TBC1D9: variants seen among roughly 807,000 people sequenced by gnomAD.
The protein encoded by TBC1D9 is TBC1 domain family member 9A.
A neutral mutation model predicts 132.0 loss-of-function variants in TBC1D9; 63 were observed. That is an observed-to-expected ratio of 0.48 (90% CI 0.39 to 0.59). The LOEUF (loss-of-function observed/expected upper bound fraction) is 0.59. TBC1D9 is among the 20% of genes least tolerant of loss of function. The pLI is 0.00. For missense variants in TBC1D9, 1,261 were observed against 1,592.7 expected, an observed-to-expected ratio of 0.79 and a Z score of 3.54; for synonymous variants, 610 against 609.9, an observed-to-expected ratio of 1.00 and a Z score of 0.00.
In TBC1D9 at chr4:140,624,713, C is replaced by T. The variant is rs72718363; in HGVS notation, c.2900-325G>A. ...ACAACACTATCTCCAGGTAAAGGACCTCCGCAGAATTCTTTCTCACAGCTG... is the reference window on the plus strand; with the variant it reads ...ACAACACTATCTCCAGGTAAAGGACTTCCGCAGAATTCTTTCTCACAGCTG... On this transcript the variant is annotated intron_variant, in intron 18 of 20. Transcript: ENST00000442267. Among the ~76,000 whole-genome samples, 1,041 of 152,200 alleles carry T rather than the reference C, an allele frequency of 6.8e-3. 12 individuals are homozygous for T. The highest frequency in any genetic ancestry group is 0.037 in the Middle Eastern group (11 of 294).
At chr4:140,690,800 A>T (rs991430015) in intron 2 of TBC1D9, among the ~76,000 whole-genome samples, 1 of 152,114 alleles carries the variant, frequency 6.6e-6, no homozygotes, top group South Asian at 2.1e-4. Context: ...GACTTGGTAA[A>T]GGGCAGAGCA....
At chr4:140,750,159 T>A (rs74288619) in intron 1 of TBC1D9, among the ~76,000 whole-genome samples, 19 of 148,678 alleles carry the variant, frequency 1.3e-4, no homozygotes, top group African/African-American at 4.4e-4. Flanking sequence ...GAACAAAAAT[T>A]AAAAAAAAAA....
At chr4:140,670,364 T>A (rs908243027) in intron 7 of TBC1D9, among the ~76,000 whole-genome samples, 1 of 152,222 alleles carries the variant, frequency 6.6e-6, no homozygotes, top group Admixed American at 6.5e-5. Flanking sequence ...TCTATCATAA[T>A]AAAAATCATC....
chr4:140,625,427 A>C (rs1736690332), intron 18 of TBC1D9, among the ~76,000 whole-genome samples: 1 of 152,212 alleles, frequency 6.6e-6, no homozygotes, highest in Non-Finnish European at 1.5e-5. Flanking sequence ...AGAGGTGTAC[A>C]ATGCCCTCAG....
rs908884350 is a variant in TBC1D9 at position 140,705,497 on chromosome 4, G to C, written c.131-3883C>G. Among the ~76,000 whole-genome samples the C allele has an allele frequency of 2.1e-5, 3 of 143,984 alleles. No homozygotes were observed. In the Admixed American group the frequency reaches 2.1e-4, roughly 10 times the overall value. The allele number at this position is 143,984 out of a possible 152,430, so 94.5% of individuals were successfully genotyped here. ...CACATGGTTGATGATAAATGGACAA[G>C]TGAGGGGTGTGTGCATGTGTGTGTG... On this transcript the variant is annotated intron_variant, in intron 1 of 20. Transcript: ENST00000442267.
chr4:140,678,871 TAC>T (rs2111017749), intron 5 of TBC1D9, 69 bp downstream of exon 5: 1 of 1,539,730 alleles, frequency 6.5e-7, no homozygotes, highest in African/African-American at 1.4e-5. Context: ...CAGAGAAGGT[TAC>T]ACTGAATAAA....
chr4:140,644,193 G>A (rs1737060748), intron 13 of TBC1D9: 1 of 338,526 alleles, frequency 3.0e-6, no homozygotes. Context: ...ATACCTGGGC[G>A]GCATATCTGA....
At chr4:140,658,662 T>C (rs1021652308) in intron 11 of TBC1D9, among the ~76,000 whole-genome samples, 1 of 151,994 alleles carries the variant, frequency 6.6e-6, no homozygotes, top group African/African-American at 2.4e-5. Flanking sequence ...ATACAAAAAT[T>C]AGCCAGGCAT....
chr4:140,671,082 A>G (rs1737529374), intron 6 of TBC1D9, among the ~76,000 whole-genome samples, 156 bp from the exon 7 acceptor site: 1 of 152,238 alleles, frequency 6.6e-6, no homozygotes, highest in Admixed American at 6.5e-5. Flanking sequence ...ACTCTGTTCC[A>G]GTAAAATAAA....
In TBC1D9 at chr4:140,701,571, G is replaced by C. The variant is rs964241530; in HGVS notation, c.174C>G (p.Ala58=). The C allele has an allele frequency of 1.9e-6, 3 of 1,613,824 alleles. No homozygotes were observed. Among genetic ancestry groups the C allele is most frequent in the Non-Finnish European group, 2.5e-6 (3 of 1,179,866 alleles). Residue 58 remains alanine, a synonymous_variant, in exon 2 of 21, where the codon GCC becomes GCG. Transcript: ENST00000442267. ...ACAAGATTCGGTAAGGAGCGACCCG[G>C]GCGCTGGAGTCCAACACAACATCAA... is the stretch of plus-strand genomic sequence containing the variant. ...GTLDVVLDSS[A]RVAPYRILYQ...
rs142449846 is a variant in TBC1D9, at chr4:140,634,733, C to T, written c.2506-545G>A. Among the ~76,000 whole-genome samples the T allele has an allele frequency of 3.9e-5, 6 of 152,214 alleles. No homozygotes were observed. In the East Asian group the frequency reaches 1.2e-3, roughly 29 times the overall value. On this transcript the variant is annotated intron_variant, in intron 15 of 20. Coordinates refer to ENST00000442267, the MANE Select transcript of TBC1D9 (RefSeq NM_015130.3). ...AATGTCCCATGTATCATACATAACCCCCTGCTTCCCTGCTCACCAAAATCA... is the reference window on the plus strand; with the variant it reads ...AATGTCCCATGTATCATACATAACCTCCTGCTTCCCTGCTCACCAAAATCA...
chr4:140,657,073 G>C, intron 13 of TBC1D9, 24 bp downstream of exon 13: 1 of 1,611,490 alleles, frequency 6.2e-7, no homozygotes, highest in Non-Finnish European at 8.5e-7. Context: ...GTTAAGCCCT[G>C]CTCAGCCAGG....
intron 1 of TBC1D9, among the ~76,000 whole-genome samples, chr4:140,751,808 A>G (rs1230865956): frequency 1.3e-5 from 2 of 152,212 alleles, no homozygotes; most frequent in East Asian, 3.9e-4. Flanking sequence ...AAATATTCCA[A>G]ATGGCTAATA....
chr4:140,645,919 C>A lies in TBC1D9; in HGVS notation c.2338-6491G>T, dbSNP rs577465216. The stretch of plus-strand genomic sequence containing the variant: ...TCTGCTAATTGTCATCTCACCAGAA[C>A]AATAAACGCTCAGAGAAACAGTATG... On this transcript the variant is annotated intron_variant, in intron 13 of 20. Transcript: ENST00000442267. Among the ~76,000 whole-genome samples, 4 of 152,348 alleles carry A rather than the reference C, an allele frequency of 2.6e-5. No individual in the cohort carries two copies. The East Asian group carries it at 7.7e-4, about 29-fold the overall frequency.
At chr4:140,641,858 C>A (rs10033976) in intron 13 of TBC1D9, 43,208 of 338,780 alleles carry the variant, frequency 0.13, 3,085 homozygotes, top group East Asian at 0.22. Flanking sequence ...CTCCTCACCC[C>A]CCATCTCTCC....
rs1015698784 is a variant in TBC1D9, at chr4:140,725,108, G to A, written c.131-23494C>T. ...AATTAGCCAAATAACATATGTACAC[G>A]GCTATTTATTGCAACAGTTTTATAG... On this transcript the variant is annotated intron_variant, in intron 1 of 20. Transcript: ENST00000442267. Among the ~76,000 whole-genome samples, 9 of 152,036 alleles carry A rather than the reference G, an allele frequency of 5.9e-5. 1 individual carries two copies. In the East Asian group the frequency reaches 9.6e-4, roughly 16 times the overall value.
chr4:140,680,329 G>A (rs1737684393), intron 3 of TBC1D9, among the ~76,000 whole-genome samples: 1 of 152,054 alleles, frequency 6.6e-6, no homozygotes, highest in East Asian at 1.9e-4. Context: ...GAGCCTACAG[G>A]GAAAAACGAG....
At chr4:140,663,704 C>G (rs958939252) in intron 9 of TBC1D9, among the ~76,000 whole-genome samples, 3 of 152,090 alleles carry the variant, frequency 2.0e-5, no homozygotes, top group Non-Finnish European at 2.9e-5. Context: ...ATACTATATT[C>G]AGCCTATAAG....
chr4:140,624,007 C>CCAA, intron 20 of TBC1D9, 109 bp downstream of exon 20: 1 of 843,360 alleles, frequency 1.2e-6, no homozygotes, highest in Non-Finnish European at 1.8e-6. Flanking sequence ...GTAAAGGCCC[C>CCAA]AGTTATTATT....
Sources: allele counts gnomAD v4.1 joint callset (sites outside exome capture counted in the v4.1 genomes callset), GRCh38; gene constraint gnomAD v4.1.1; transcripts MANE v1.5; gene names NCBI Gene and HGNC (gene_info 2026-07-23, HGNC 2026-07-21).